The following TACC2 variants were observed in gnomAD, a reference collection of about 807,000 sequenced individuals.
TACC2 encodes the protein transforming acidic coiled-coil containing protein 2, also known as transforming acidic coiled-coil-containing protein 2.
Under a neutral mutation model 227.3 loss-of-function variants are expected in TACC2, and 137 were observed. The observed-to-expected ratio is 0.60, with a 90% CI of 0.52 to 0.69. The LOEUF is 0.69. Ranked by LOEUF, TACC2 falls within the 30% of genes least tolerant of loss-of-function variation. The pLI, the probability that TACC2 is intolerant of heterozygous loss-of-function variation, is 0.00. For missense variants in TACC2, 3,470 were observed against 3,694.4 expected, an observed-to-expected ratio of 0.94 and a Z score of 1.57; for synonymous variants, 1,523 against 1,487.5, an observed-to-expected ratio of 1.02 and a Z score of -0.55.
intron 14 of TACC2, among the ~76,000 whole-genome samples, 180 bp from the exon 15 acceptor site, chr10:122,229,166 A>G (rs898158758): frequency 1.4e-4 from 21 of 152,066 alleles, no homozygotes; most frequent in African/African-American, 4.3e-4. Context: ...CAAGATGTGC[A>G]TTGTCAGCAT....
intron 7 of TACC2, among the ~76,000 whole-genome samples, chr10:122,174,650 G>A (rs1019568415): frequency 1.3e-5 from 2 of 152,076 alleles, no homozygotes; most frequent in African/African-American, 4.8e-5. Context: ...GCTAAATCAA[G>A]CTAATTAATG....
At chr10:122,215,579 T>A in intron 10 of TACC2, 128 bp downstream of exon 10, 1 of 792,580 alleles carries the variant, frequency 1.3e-6, no homozygotes, top group Non-Finnish European at 2.2e-6. Flanking sequence ...GCATTCTGTG[T>A]GGAGGGTCCC....
At position 122,087,248 on chromosome 10, in the gene TACC2, G is replaced by A. The variant is rs543590504; in HGVS notation, c.4748G>A (p.Ser1583Asn). The A allele has an allele frequency of 5.6e-6, 9 of 1,613,730 alleles. No homozygotes were observed. The highest frequency in any genetic ancestry group is 7.6e-6 in the Non-Finnish European group (9 of 1,180,018). The change falls in exon 4 of 23, where the codon AGC (serine) becomes AAC (asparagine). Residue 1583 changes from serine to asparagine, a missense_variant. Ser to Asn is a conservative substitution (Grantham distance 46). Coordinates refer to ENST00000369005, the MANE Select transcript of TACC2 (RefSeq NM_206862.4). ...GCTGCCTTCCAGGTGGCTCCCCATA[G>A]CCATGGAGAAGAGGCCGTGGCCCAA... The part of the protein sequence containing the change: ...RAAAFQVAPH[S>N]HGEEAVAQDR...
chr10:122,043,517 CTTTCT>C (rs1331310960), intron 2 of TACC2, among the ~76,000 whole-genome samples: 1,276 of 61,702 alleles, frequency 0.021, 20 homozygotes, highest in African/African-American at 0.073. Flanking sequence ...CTTTCTTTTT[CTTTCT>C]TTTCTTTCTT....
In TACC2 at chr10:122,132,066, A is replaced by AGG. The variant is rs376432262; in HGVS notation, c.5574-543_5574-542insGG. On this transcript the variant is annotated intron_variant, in intron 5 of 22. Transcript: ENST00000369005. ...AAAGAAAGAAAGAAAGAAAGAAAGA[A>AGG]AAAGAAAGAAAGAAAGAGAAAGATC... Among the ~76,000 whole-genome samples the AGG allele has an allele frequency of 2.2e-4, 13 of 58,284 alleles. 1 individual carries two copies. Among genetic ancestry groups the AGG allele is most frequent in the African/African-American group, 4.1e-4 (6 of 14,606 alleles). 38.2% of individuals were successfully genotyped at this position (58,284 alleles called of 152,430 possible). A position where few individuals can be genotyped will look rare whatever the true frequency, so the allele number is the denominator to read the frequency against.
chr10:122,103,065 A>G (rs1282381940), intron 5 of TACC2, among the ~76,000 whole-genome samples: 1 of 152,168 alleles, frequency 6.6e-6, no homozygotes, highest in East Asian at 1.9e-4. Flanking sequence ...TCAGAAGACT[A>G]AAGCACTATT....
intron 8 of TACC2, among the ~76,000 whole-genome samples, chr10:122,201,400 C>A (rs1449199850): frequency 6.6e-6 from 1 of 152,092 alleles, no homozygotes; most frequent in Non-Finnish European, 1.5e-5. Flanking sequence ...GCCACCTCAC[C>A]TGCCCACAGT....
intron 7 of TACC2, among the ~76,000 whole-genome samples, chr10:122,162,879 G>A (rs1310816912): frequency 6.6e-6 from 1 of 152,146 alleles, no homozygotes; most frequent in African/African-American, 2.4e-5. Context: ...TTAGGGGCCT[G>A]CCTTGGGCGG....
intron 7 of TACC2, among the ~76,000 whole-genome samples, chr10:122,153,290 C>G (rs1244562144): frequency 6.6e-6 from 1 of 152,156 alleles, no homozygotes; most frequent in African/African-American, 2.4e-5. Flanking sequence ...GCGCCTGGCC[C>G]GATATGTATT....
At chr10:122,206,947 AT>A (rs2095130783) in intron 8 of TACC2, among the ~76,000 whole-genome samples, 1 of 152,116 alleles carries the variant, frequency 6.6e-6, no homozygotes, top group South Asian at 2.1e-4. Context: ...CACACAGTTG[AT>A]TGTGTCTGCA....
chr10:122,226,030 G>A (rs907978587), intron 12 of TACC2, among the ~76,000 whole-genome samples: 1 of 152,172 alleles, frequency 6.6e-6, no homozygotes, highest in East Asian at 1.9e-4. Context: ...CTGTTTATCT[G>A]CAGTGGCCAG....
intron 7 of TACC2, among the ~76,000 whole-genome samples, chr10:122,181,687 A>G (rs1313158579): frequency 6.6e-6 from 1 of 152,220 alleles, no homozygotes. Flanking sequence ...TGTAATTCGT[A>G]TATTAAGTGC....
At chr10:122,190,728 A>C (rs1431466220) in intron 7 of TACC2, among the ~76,000 whole-genome samples, 4 of 152,134 alleles carry the variant, frequency 2.6e-5, no homozygotes, top group Non-Finnish European at 5.9e-5. Context: ...TCATGGGTGC[A>C]TCTCAGGACT....
Position 121,989,287 on chromosome 10 carries a change from G to A in TACC2, c.-247G>A, listed in dbSNP as rs7900585. ...TGCACTGGGATTTCTCAAGTCACCC[G>A]CTTGGTCCTCTTCCAAGTATACTTT... On this transcript the variant is annotated 5_prime_UTR_variant, in exon 1 of 23. Transcript: ENST00000369005. 53,753 of 152,162 alleles carry A rather than the reference G, an allele frequency of 0.35. 9,813 individuals are homozygous for A. Among genetic ancestry groups the A allele is most frequent in the African/African-American group, 0.39 (16,300 of 41,492 alleles). The allele number at this position is 152,162 out of a possible 1,614,324, so 9.4% of individuals were successfully genotyped here. A position where few individuals can be genotyped will look rare whatever the true frequency, so the allele number is the denominator to read the frequency against.
chr10:122,113,858 A>T (rs1339047964), intron 5 of TACC2, among the ~76,000 whole-genome samples: 1 of 152,198 alleles, frequency 6.6e-6, no homozygotes, highest in Non-Finnish European at 1.5e-5. Context: ...CTCCCGCCGC[A>T]GAGTGCGCCT....
chr10:122,129,277 C>A (rs964698518), intron 5 of TACC2, among the ~76,000 whole-genome samples: 1 of 151,726 alleles, frequency 6.6e-6, no homozygotes, highest in Non-Finnish European at 1.5e-5. Flanking sequence ...AGGCTCGTCT[C>A]GAACTCTTGA....
At chr10:122,113,913 T>G (rs1011598302) in intron 5 of TACC2, among the ~76,000 whole-genome samples, 3 of 152,212 alleles carry the variant, frequency 2.0e-5, no homozygotes, top group Admixed American at 2.0e-4. Flanking sequence ...GCGCTGGGAT[T>G]TGCTGCCCAG....
intron 1 of TACC2, among the ~76,000 whole-genome samples, chr10:121,997,786 G>T (rs1280353511): frequency 6.6e-6 from 1 of 152,104 alleles, no homozygotes; most frequent in Non-Finnish European, 1.5e-5. Context: ...GAGAGGGAGA[G>T]CATGGTAAAA....
chr10:122,039,890 G>A (rs1194853212), intron 2 of TACC2, among the ~76,000 whole-genome samples: 1 of 152,128 alleles, frequency 6.6e-6, no homozygotes, highest in African/African-American at 2.4e-5. Context: ...AGAAGCCATC[G>A]ACAGAGGAAA....
Sources: allele counts gnomAD v4.1 joint callset (sites outside exome capture counted in the v4.1 genomes callset), GRCh38; gene constraint gnomAD v4.1.1; transcripts MANE v1.5; gene names NCBI Gene and HGNC (gene_info 2026-07-23, HGNC 2026-07-21).